CYBA: variants seen among roughly 807,000 people sequenced by gnomAD.
CYBA encodes the protein cytochrome b-245 light chain.
Under a neutral mutation model 20.8 loss-of-function variants are expected in CYBA, and 21 were observed. That is an observed-to-expected ratio of 1.01 (90% CI 0.72 to 1.46). CYBA has a LOEUF of 1.46. CYBA is among the 40% of genes most tolerant of loss of function. CYBA has a pLI of 0.00. For missense variants in CYBA, 344 were observed against 287.0 expected (o/e 1.20, Z -1.43); for synonymous variants, 164 against 127.5 (o/e 1.29, Z -1.93).
At chr16:88,646,982 C>G in intron 3 of CYBA, 119 bp downstream of exon 3, 1 of 1,205,274 alleles carries the variant, frequency 8.3e-7, no homozygotes, top group East Asian at 2.5e-5. Flanking sequence ...GGTTTACCCA[C>G]AAGCACCAAA....
intron 4 of CYBA, chr16:88,646,449 C>G (rs1011360061): frequency 7.9e-6 from 5 of 636,896 alleles, no homozygotes; most frequent in East Asian, 7.0e-5. Context: ...CAGTAACCAG[C>G]AGACACACAG....
chr16:88,645,832 C>A lies in CYBA; in HGVS notation c.369+284G>T, dbSNP rs530510464. ...CAGTCACAGCACCTCCCTGAGCCTC[C>A]GCATCTTTGTCTGTAAAGTGGGGAC... On this transcript the variant is annotated intron_variant, in intron 5 of 5. Transcript: ENST00000261623. 313 of 558,352 alleles carry A rather than the reference C, an allele frequency of 5.6e-4. 3 individuals are homozygous for A. In the Middle Eastern group the frequency reaches 0.012, roughly 21 times the overall value. 34.6% of individuals were successfully genotyped at this position (558,352 alleles called of 1,614,324 possible).
intron 1 of CYBA, 49 bp downstream of exon 1, chr16:88,650,907 G>A: frequency 6.5e-7 from 1 of 1,546,728 alleles, no homozygotes; most frequent in Non-Finnish European, 8.8e-7. Flanking sequence ...CTGGGGTCTT[G>A]GGACACCCCT....
chr16:88,644,239 T>TGATC (rs1907195820), intron 5 of CYBA, among the ~76,000 whole-genome samples: 1 of 152,218 alleles, frequency 6.6e-6, no homozygotes, highest in African/African-American at 2.4e-5. Flanking sequence ...TGGACATGTG[T>TGATC]GATCCTACCT....
At chr16:88,645,420 G>A (rs1359259384) in intron 5 of CYBA, 3 of 702,234 alleles carry the variant, frequency 4.3e-6, no homozygotes, top group Non-Finnish European at 7.8e-6. Context: ...CGGGCAGGAG[G>A]GACTTGGCTC....
chr16:88,645,253 G>T, intron 5 of CYBA: 1 of 702,454 alleles, frequency 1.4e-6, no homozygotes, highest in South Asian at 1.5e-5. Context: ...CTTGGCAACA[G>T]GAAGGGGTTC....
chr16:88,646,818 G>A lies in CYBA; in HGVS notation c.224C>T (p.Ala75Val). ...MERWGQKYMTAVVKLFGPFTR... is the reference protein window; with the variant it reads ...MERWGQKYMTVVVKLFGPFTR... ...AAAGGGCCCGAACAGCTTCACCACG[G>A]CGGTCATGTACTTCTGTCCCCTGGG... Residue 75 changes from alanine to valine, a missense_variant, in exon 4 of 6, where the codon GCC (alanine) becomes GTC (valine). By Grantham distance (64) the Ala-to-Val change is moderately conservative. Coordinates refer to ENST00000261623, the MANE Select transcript of CYBA (RefSeq NM_000101.4). 1.2e-6 allele frequency: 2 copies of A among 1,613,924 alleles called. No individual in the cohort carries two copies. The highest frequency in any genetic ancestry group is 2.2e-5 in the South Asian group (2 of 91,084).
chr16:88,648,011 TCC>T, intron 2 of CYBA, 32 bp downstream of exon 2: 6 of 1,587,980 alleles, frequency 3.8e-6, no homozygotes, highest in Non-Finnish European at 5.2e-6. Context: ...CCCTGGGCGT[TCC>T]CCGCCCACCC....
rs2142875593 is a variant in CYBA, at chr16:88,646,848, G to C, written c.204-10C>G. The C allele has an allele frequency of 6.2e-7, 1 of 1,609,350 alleles. No homozygotes were observed. The highest frequency in any genetic ancestry group is 8.5e-7 in the Non-Finnish European group (1 of 1,176,064). On this transcript the variant is annotated splice_polypyrimidine_tract_variant and intron_variant, in intron 3 of 5. Coordinates refer to ENST00000261623, the MANE Select transcript of CYBA (RefSeq NM_000101.4). ...CATGTACTTCTGTCCCCTGGGGGAG[G>C]GAGGAAGGCGAGACGGCGCGGCTGG...
Position 88,643,316 on chromosome 16 carries a change from T to G in CYBA, c.*37A>C. ...CCGGCTTCGCTGCATTTATTGCAGG[T>G]GGGTGCACCTGGCGGGAGGGCAGGT... On this transcript the variant is annotated 3_prime_UTR_variant, in exon 6 of 6. Transcript: ENST00000261623. The surrounding 1 kb of genome is among the most constrained non-coding windows in gnomAD (Gnocchi z 4.3). 9 of 1,403,894 alleles carry G rather than the reference T, an allele frequency of 6.4e-6. No homozygotes were observed. Among genetic ancestry groups the G allele is most frequent in the African/African-American group, 1.5e-5 (1 of 66,276 alleles). The allele number at this position is 1,403,894 out of a possible 1,614,324, so 87.0% of individuals were successfully genotyped here.
intron 5 of CYBA, among the ~76,000 whole-genome samples, chr16:88,644,006 A>G (rs950136337): frequency 1.3e-5 from 2 of 151,814 alleles, no homozygotes; most frequent in African/African-American, 4.8e-5. Context: ...CAGCCCCCCA[A>G]GGGTGCCCAG....
chr16:88,647,044 G>T, intron 3 of CYBA, 57 bp downstream of exon 3: 1 of 1,509,682 alleles, frequency 6.6e-7, no homozygotes, highest in Non-Finnish European at 9.1e-7. Flanking sequence ...CCAACCCTGT[G>T]AGCCCTGCCT....
Position 88,643,541 on chromosome 16 carries a change from T to C in CYBA, c.400A>G (p.Ile134Val). Residue 134 changes from isoleucine to valine, a missense_variant, in exon 6 of 6, where the codon ATC becomes GTC. Transcript: ENST00000261623. The surrounding 1 kb of genome is among the most constrained non-coding windows in gnomAD (Gnocchi z 4.3). The stretch of plus-strand genomic sequence containing the variant: ...GGCCGCTCCCGGGGCTTGGGCTCGA[T>C]GGGCGTCCACTGCTCGCCACGCACA... The part of the protein sequence containing the change: ...AAVRGEQWTP[I>V]EPKPRERPQI... 1 of 1,534,858 alleles carries C rather than the reference T, an allele frequency of 6.5e-7. No individual in the cohort carries two copies. The highest frequency in any genetic ancestry group is 1.2e-5 in the South Asian group (1 of 84,030).
chr16:88,650,022 C>G (rs1457180046), intron 1 of CYBA, among the ~76,000 whole-genome samples: 2 of 152,178 alleles, frequency 1.3e-5, no homozygotes, highest in African/African-American at 4.8e-5. Flanking sequence ...GCTGCAGGGC[C>G]CCGTCCTCCA....
At chr16:88,648,211 A>G in intron 1 of CYBA, 97 bp from the exon 2 acceptor site, 1 of 1,161,442 alleles carries the variant, frequency 8.6e-7, no homozygotes, top group African/African-American at 1.5e-5. Context: ...GGCCACCCAG[A>G]GCTGCCCCCT....
At chr16:88,647,924 C>G in intron 2 of CYBA, 121 bp downstream of exon 2, 1 of 1,000,306 alleles carries the variant, frequency 1.0e-6, no homozygotes, top group East Asian at 2.6e-5. Context: ...GTGCACAGCC[C>G]ACCCTGTGTC....
chr16:88,646,982 C>T (rs1347220092), intron 3 of CYBA, 119 bp downstream of exon 3: 10 of 1,205,156 alleles, frequency 8.3e-6, no homozygotes, highest in Non-Finnish European at 1.2e-5. Flanking sequence ...GGTTTACCCA[C>T]AAGCACCAAA....
intron 1 of CYBA, among the ~76,000 whole-genome samples, chr16:88,648,979 C>G (rs1907397962): frequency 6.7e-6 from 1 of 150,280 alleles, no homozygotes; most frequent in Non-Finnish European, 1.5e-5. Context: ...GCCCTGTCAC[C>G]CAGGCTGGAG....
At chr16:88,644,188 A>G (rs374434615) in intron 5 of CYBA, among the ~76,000 whole-genome samples, 1 of 152,262 alleles carries the variant, frequency 6.6e-6, no homozygotes, top group African/African-American at 2.4e-5. Flanking sequence ...TCTGGTGGAA[A>G]AATATGTCAC....
Sources: allele counts gnomAD v4.1 joint callset (sites outside exome capture counted in the v4.1 genomes callset), GRCh38; gene constraint gnomAD v4.1.1; non-coding constraint Gnocchi (gnomAD v3.1); transcripts MANE v1.5; gene names NCBI Gene and HGNC (gene_info 2026-07-23, HGNC 2026-07-21).